The following MFHAS1 variants were observed in gnomAD, a reference collection of about 807,000 sequenced individuals.
The protein encoded by MFHAS1 is malignant fibrous histiocytoma-amplified sequence 1.
MFHAS1 carries 50 observed loss-of-function variants against 70.4 expected under a neutral mutation model. The observed-to-expected ratio is 0.71, with a 90% CI of 0.57 to 0.90. The LOEUF (loss-of-function observed/expected upper bound fraction) is 0.90. Ranked by LOEUF, MFHAS1 falls within the 40% of genes least tolerant of loss-of-function variation. The pLI, the probability that MFHAS1 is intolerant of heterozygous loss-of-function variation, is 0.00. For missense variants in MFHAS1, 1,795 were observed against 1,347.6 expected (o/e 1.33, Z -5.20); for synonymous variants, 952 against 620.0 (o/e 1.54, Z -7.96).
chr8:8,890,202 A>G lies in MFHAS1; in HGVS notation c.2857T>C (p.Trp953Arg). 1 of 1,614,156 alleles carries G rather than the reference A, an allele frequency of 6.2e-7. No individual in the cohort carries two copies. The highest frequency in any genetic ancestry group is 8.5e-7 in the Non-Finnish European group (1 of 1,180,036). Residue 953 changes from tryptophan (W) to arginine (R), a missense_variant, in exon 1 of 3, where the codon TGG becomes CGG. By Grantham distance (101) the Trp-to-Arg change is moderately radical (BLOSUM62 -3). Transcript: ENST00000276282. The stretch of plus-strand genomic sequence containing the variant: ...GGGGTTATGGCTTGCCATGCGGTCC[A>G]TATATTTGGTAATGATGCATGGCTA... ...IASHASLPNIWTAWQAITPLV... is the reference protein window; with the variant it reads ...IASHASLPNIRTAWQAITPLV...
At chr8:8,810,165 G>C (rs191955429) in intron 1 of MFHAS1, among the ~76,000 whole-genome samples, 6 of 152,276 alleles carry the variant, frequency 3.9e-5, no homozygotes, top group Non-Finnish European at 8.8e-5. Flanking sequence ...CCAGAAGTTC[G>C]AGACCAGCCT....
chr8:8,839,958 G>C (rs959360870), intron 1 of MFHAS1, among the ~76,000 whole-genome samples: 3 of 152,092 alleles, frequency 2.0e-5, no homozygotes, highest in African/African-American at 7.2e-5. Context: ...AGAAAAAAAA[G>C]ATACAAACCC....
chr8:8,885,915 T>A (rs1444850260), intron 1 of MFHAS1, among the ~76,000 whole-genome samples: 1 of 152,182 alleles, frequency 6.6e-6, no homozygotes, highest in Non-Finnish European at 1.5e-5. Context: ...TTTCACCAGG[T>A]TGACCAGGCT....
intron 1 of MFHAS1, among the ~76,000 whole-genome samples, chr8:8,882,567 G>A (rs536627086): frequency 1.8e-4 from 27 of 152,136 alleles, no homozygotes; most frequent in Middle Eastern, 6.8e-3. Context: ...AGCTGAGATC[G>A]CGCCATTGCA....
At chr8:8,801,988 G>A (rs529670847) in intron 1 of MFHAS1, among the ~76,000 whole-genome samples, 43 of 152,310 alleles carry the variant, frequency 2.8e-4, no homozygotes, top group African/African-American at 7.9e-4. Context: ...AATGGAGAAC[G>A]ATGCGTGCAC....
At chr8:8,800,712 G>A (rs1348699045) in intron 1 of MFHAS1, among the ~76,000 whole-genome samples, 1 of 152,162 alleles carries the variant, frequency 6.6e-6, no homozygotes, top group Non-Finnish European at 1.5e-5. Flanking sequence ...CACAGATGCA[G>A]CTTCTTTGGT....
intron 1 of MFHAS1, among the ~76,000 whole-genome samples, chr8:8,855,233 G>A (rs777207727): frequency 6.6e-6 from 1 of 152,318 alleles, no homozygotes; most frequent in East Asian, 1.9e-4. Flanking sequence ...GATCACAGGC[G>A]TGAGCCACCA....
intron 1 of MFHAS1, among the ~76,000 whole-genome samples, chr8:8,856,175 G>C (rs1808431576): frequency 6.6e-6 from 1 of 152,184 alleles, no homozygotes; most frequent in Non-Finnish European, 1.5e-5. Flanking sequence ...CCCTTATTTG[G>C]AAAACAAACT....
chr8:8,872,237 T>C (rs74499466), intron 1 of MFHAS1, among the ~76,000 whole-genome samples: 2,481 of 152,296 alleles, frequency 0.016, 23 homozygotes, highest in African/African-American at 0.026. Context: ...TCGGGATTCT[T>C]TTCTAACAAA....
Position 8,891,113 on chromosome 8 carries a change from C to T in MFHAS1, c.1946G>A (p.Arg649Gln). The change falls in exon 1 of 3, where the codon CGA becomes CAA. Residue 649 changes from arginine to glutamine, a missense_variant. Arg to Gln is a conservative substitution (Grantham distance 43). Transcript: ENST00000276282. The surrounding 1 kb of genome is among the most constrained non-coding windows in gnomAD (Gnocchi z 5.4). ...TCTGTGTAAGTTGGGGAAGATCTCT[C>T]GGTGCTCAGCAACTGACAGCAACTT... ...RDKLLSVAEHREIFPNLHRVL... is the reference protein window; with the variant it reads ...RDKLLSVAEHQEIFPNLHRVL... 6.2e-7 allele frequency: 1 copy of T among 1,613,812 alleles called. No homozygotes were observed.
intron 1 of MFHAS1, among the ~76,000 whole-genome samples, chr8:8,864,342 C>G (rs1277557393): frequency 6.6e-6 from 1 of 152,218 alleles, no homozygotes; most frequent in Non-Finnish European, 1.5e-5. Context: ...TTCAAGGATG[C>G]CATTCACACC....
At chr8:8,888,180 T>A (rs1357454234) in intron 1 of MFHAS1, among the ~76,000 whole-genome samples, 2 of 152,204 alleles carry the variant, frequency 1.3e-5, no homozygotes, top group African/African-American at 4.8e-5. Flanking sequence ...ACATACAGAA[T>A]GGATGTCTCA....
At chr8:8,827,101 G>C (rs149289302) in intron 1 of MFHAS1, among the ~76,000 whole-genome samples, 86 of 152,180 alleles carry the variant, frequency 5.7e-4, no homozygotes, top group African/African-American at 1.9e-3. Context: ...ATAGTGATTT[G>C]CTTTTCCATT....
At chr8:8,813,990 G>C (rs1409670587) in intron 1 of MFHAS1, among the ~76,000 whole-genome samples, 1 of 150,642 alleles carries the variant, frequency 6.6e-6, no homozygotes, top group African/African-American at 2.4e-5. Context: ...CCATGCTGGA[G>C]TGCAGGGGCA....
chr8:8,864,450 T>A (rs1808783952), intron 1 of MFHAS1, among the ~76,000 whole-genome samples: 1 of 152,220 alleles, frequency 6.6e-6, no homozygotes, highest in African/African-American at 2.4e-5. Flanking sequence ...CAAGTAAAAA[T>A]ATTTTTAATG....
intron 1 of MFHAS1, among the ~76,000 whole-genome samples, chr8:8,810,392 T>C (rs1345633918): frequency 6.6e-6 from 1 of 152,126 alleles, no homozygotes; most frequent in African/African-American, 2.4e-5. Context: ...AGAAGGCGTA[T>C]ACAGTCAACT....
chr8:8,799,142 G>A (rs1806002342), intron 1 of MFHAS1, among the ~76,000 whole-genome samples: 2 of 152,016 alleles, frequency 1.3e-5, no homozygotes, highest in South Asian at 4.1e-4. Context: ...CAAGACCCCA[G>A]CGGATGCATG....
intron 1 of MFHAS1, among the ~76,000 whole-genome samples, chr8:8,857,065 G>C (rs432877): frequency 6.8e-6 from 1 of 146,412 alleles, no homozygotes; most frequent in Non-Finnish European, 1.5e-5. Context: ...AGGCAGTGCA[G>C]AAGAAAACAT....
chr8:8,852,003 C>A (rs1421477709), intron 1 of MFHAS1, among the ~76,000 whole-genome samples: 1 of 152,132 alleles, frequency 6.6e-6, no homozygotes, highest in Non-Finnish European at 1.5e-5. Context: ...TCAGGAACAG[C>A]GATGCCAAGC....
Sources: allele counts gnomAD v4.1 joint callset (sites outside exome capture counted in the v4.1 genomes callset), GRCh38; gene constraint gnomAD v4.1.1; non-coding constraint Gnocchi (gnomAD v3.1); transcripts MANE v1.5; gene names NCBI Gene and HGNC (gene_info 2026-07-23, HGNC 2026-07-21).